The following UQCC2 variants were observed in gnomAD, a reference collection of about 807,000 sequenced individuals.
UQCC2 encodes breast cancer-associated protein SGA-81M.
Under a neutral mutation model 19.9 loss-of-function variants are expected in UQCC2, and 21 were observed. The observed-to-expected ratio is 1.05, with a 90% CI of 0.75 to 1.52. The LOEUF (loss-of-function observed/expected upper bound fraction) is 1.52. UQCC2 is among the 40% of genes most tolerant of loss of function. The pLI, the probability that UQCC2 is intolerant of heterozygous loss-of-function variation, is 0.00. For synonymous variants in UQCC2, 57 were observed against 60.9 expected (o/e 0.94, Z 0.30); for missense variants, 135 against 157.5 (o/e 0.86, Z 0.76).
intron 1 of UQCC2, among the ~76,000 whole-genome samples, chr6:33,709,926 A>G (rs894367384): frequency 6.6e-6 from 1 of 152,186 alleles, no homozygotes; most frequent in Non-Finnish European, 1.5e-5. Context: ...TGACATTGCC[A>G]CTTGGAAATC....
At chr6:33,709,605 G>A (rs1307361055) in intron 1 of UQCC2, among the ~76,000 whole-genome samples, 1 of 152,180 alleles carries the variant, frequency 6.6e-6, no homozygotes, top group Non-Finnish European at 1.5e-5. Context: ...CTTTGGGCCA[G>A]TGAAGACCAC....
intron 3 of UQCC2, 42 bp downstream of exon 3, chr6:33,700,402 C>A (rs375880849): frequency 6.2e-7 from 1 of 1,605,528 alleles, no homozygotes; most frequent in African/African-American, 1.3e-5. Context: ...AACTCAGAAT[C>A]ATTTGCAAAC....
intron 1 of UQCC2, among the ~76,000 whole-genome samples, chr6:33,708,483 C>A (rs1188196214): frequency 2.0e-5 from 3 of 152,268 alleles, no homozygotes; most frequent in Middle Eastern, 3.4e-3. Flanking sequence ...TGAGATCACG[C>A]CGGCAAAGGT....
At chr6:33,703,479 G>A (rs78647257) in intron 1 of UQCC2, among the ~76,000 whole-genome samples, 7,925 of 152,038 alleles carry the variant, frequency 0.052, 344 homozygotes, top group African/African-American at 0.12. Flanking sequence ...TAGCATGATT[G>A]GCCCATCTAT....
intron 2 of UQCC2, among the ~76,000 whole-genome samples, chr6:33,701,120 A>G (rs991245618): frequency 7.9e-5 from 12 of 152,186 alleles, no homozygotes; most frequent in African/African-American, 2.7e-4. Context: ...GCTTCTATTC[A>G]TAATTGGTTT....
intron 3 of UQCC2, chr6:33,698,046 T>TGAGG (rs2127332266): frequency 2.6e-6 from 1 of 390,372 alleles, no homozygotes; most frequent in East Asian, 5.1e-5. Context: ...CTGCTCCGTA[T>TGAGG]GAGGGCAAAG....
At chr6:33,711,478 A>G (rs935623656) in intron 1 of UQCC2, 71 bp downstream of exon 1, 7 of 1,506,992 alleles carry the variant, frequency 4.6e-6, no homozygotes, top group Admixed American at 2.3e-5. Flanking sequence ...TCCCCCTGCT[A>G]GCGCGCTCGT....
chr6:33,697,905 A>G, intron 3 of UQCC2, 155 bp from the exon 4 acceptor site: 1 of 628,672 alleles, frequency 1.6e-6, no homozygotes, highest in Non-Finnish European at 2.8e-6. Context: ...AGAGCAGATC[A>G]AACAGGTAAC....
Position 33,696,957 on chromosome 6 carries a change from G to A in UQCC2, c.*696C>T, listed in dbSNP as rs957037434. ...AGCCAAGGTTCCATGGAATAATGAGGTGACCCTGTGTGTGTCCTCAGCCAG... is the reference window on the plus strand; with the variant it reads ...AGCCAAGGTTCCATGGAATAATGAGATGACCCTGTGTGTGTCCTCAGCCAG... On this transcript the variant is annotated 3_prime_UTR_variant, in exon 4 of 4. Coordinates refer to ENST00000607484, the MANE Select transcript of UQCC2 (RefSeq NM_032340.4). The A allele has an allele frequency of 6.6e-6, 1 of 152,302 alleles. No homozygotes were observed. Among genetic ancestry groups the A allele is most frequent in the Non-Finnish European group, 1.5e-5 (1 of 68,086 alleles). 9.4% of individuals were successfully genotyped at this position (152,302 alleles called of 1,614,324 possible). A position where few individuals can be genotyped will look rare whatever the true frequency, so the allele number is the denominator to read the frequency against.
intron 3 of UQCC2, among the ~76,000 whole-genome samples, chr6:33,699,294 C>T (rs112496300): frequency 6.6e-6 from 1 of 152,356 alleles, no homozygotes; most frequent in African/African-American, 2.4e-5. Flanking sequence ...GAACTAAACT[C>T]GCTGCCAGAA....
At chr6:33,709,055 G>A (rs958765762) in intron 1 of UQCC2, among the ~76,000 whole-genome samples, 1 of 152,202 alleles carries the variant, frequency 6.6e-6, no homozygotes, top group Non-Finnish European at 1.5e-5. Flanking sequence ...ATTGCCCTAG[G>A]TGATGACAAC....
rs376993977 is a variant in UQCC2 at position 33,711,543 on chromosome 6, G to A, written c.138+6C>T. The A allele has an allele frequency of 7.9e-5, 126 of 1,593,180 alleles. No homozygotes were observed. In the African/African-American group the frequency reaches 1.4e-3, roughly 17 times the overall value. ...CCCTCGTCCCAGCCGCCTCCCCGCC[G>A]GTCACCTGGGTATTCTCTCCCTCCC... On this transcript the variant is annotated splice_donor_region_variant and intron_variant, in intron 1 of 3. Coordinates refer to ENST00000607484, the MANE Select transcript of UQCC2 (RefSeq NM_032340.4).
intron 1 of UQCC2, among the ~76,000 whole-genome samples, chr6:33,708,637 G>A (rs78500811): frequency 6.6e-6 from 1 of 152,146 alleles, no homozygotes; most frequent in Admixed American, 6.5e-5. Flanking sequence ...TCTGGCAACC[G>A]GCTTAACCAA....
intron 1 of UQCC2, among the ~76,000 whole-genome samples, chr6:33,709,026 C>CT (rs1269561055): frequency 4.6e-5 from 7 of 152,352 alleles, no homozygotes; most frequent in Admixed American, 1.3e-4. Context: ...CTGTGTGGGC[C>CT]TTTGACTGAT....
chr6:33,699,156 C>T (rs1765608367), intron 3 of UQCC2, among the ~76,000 whole-genome samples: 1 of 152,156 alleles, frequency 6.6e-6, no homozygotes, highest in Non-Finnish European at 1.5e-5. Context: ...GCCCTCAAAG[C>T]CTCTCACTAC....
chr6:33,709,277 G>C (rs1765737385), intron 1 of UQCC2, among the ~76,000 whole-genome samples: 1 of 152,122 alleles, frequency 6.6e-6, no homozygotes, highest in African/African-American at 2.4e-5. Flanking sequence ...TCACCACTCA[G>C]GACACACAAA....
intron 2 of UQCC2, 147 bp from the exon 3 acceptor site, chr6:33,700,660 C>G: frequency 2.6e-6 from 2 of 759,556 alleles, no homozygotes; most frequent in South Asian, 3.2e-5. Context: ...GAGGTCAAGA[C>G]TTGGCCTCGC....
chr6:33,700,294 T>C (rs954675298), intron 3 of UQCC2, 150 bp downstream of exon 3: 1 of 775,140 alleles, frequency 1.3e-6, no homozygotes, highest in Non-Finnish European at 2.1e-6. Context: ...ATGGTCAAAA[T>C]GCATGCGCCC....
At position 33,697,614 on chromosome 6, in the gene UQCC2, ACT is replaced by A; in HGVS notation, c.*37_*38del. The A allele has an allele frequency of 6.6e-7, 1 of 1,503,770 alleles. No individual in the cohort carries two copies. Among genetic ancestry groups the A allele is most frequent in the Non-Finnish European group, 9.1e-7 (1 of 1,098,500 alleles). The allele number at this position is 1,503,770 out of a possible 1,614,324, so 93.2% of individuals were successfully genotyped here. A position where few individuals can be genotyped will look rare whatever the true frequency, so the allele number is the denominator to read the frequency against. On this transcript the variant is annotated 3_prime_UTR_variant, in exon 4 of 4. Transcript: ENST00000607484. The stretch of plus-strand genomic sequence containing the variant: ...TTTATTGACGATGGCAATGTACAAG[ACT>A]CCACACCTAGGTATGTGCACGAGGT...
Sources: allele counts gnomAD v4.1 joint callset (sites outside exome capture counted in the v4.1 genomes callset), GRCh38; gene constraint gnomAD v4.1.1; transcripts MANE v1.5; gene names NCBI Gene and HGNC (gene_info 2026-07-23, HGNC 2026-07-21).